NME7: variants seen among roughly 807,000 people sequenced by gnomAD.
NME7 encodes nucleoside diphosphate kinase 7.
NME7 carries 41 observed loss-of-function variants against 49.1 expected under a neutral mutation model. That is an observed-to-expected ratio of 0.83 (90% CI 0.65 to 1.08). NME7 has a LOEUF of 1.08. NME7 is among the 50% of genes least tolerant of loss of function. The pLI, the probability that NME7 is intolerant of heterozygous loss-of-function variation, is 0.00. For synonymous variants in NME7, 139 were observed against 150.6 expected, an observed-to-expected ratio of 0.92 and a Z score of 0.56; for missense variants, 423 against 463.4, an observed-to-expected ratio of 0.91 and a Z score of 0.80.
chr1:169,242,002 T>C (rs1648110184), intron 7 of NME7, among the ~76,000 whole-genome samples: 1 of 152,018 alleles, frequency 6.6e-6, no homozygotes, highest in South Asian at 2.1e-4. Flanking sequence ...TTGACTAGCC[T>C]GGTCTTGAAC....
intron 11 of NME7, among the ~76,000 whole-genome samples, chr1:169,155,620 G>T (rs1659045381): frequency 6.6e-6 from 1 of 152,178 alleles, no homozygotes; most frequent in African/African-American, 2.4e-5. Flanking sequence ...ATTATTCTGT[G>T]ATAAAATGCT....
At chr1:169,268,908 T>C (rs1385189349) in intron 7 of NME7, among the ~76,000 whole-genome samples, 1 of 133,530 alleles carries the variant, frequency 7.5e-6, no homozygotes, top group Non-Finnish European at 1.8e-5. Flanking sequence ...TTTGCCTACA[T>C]AACAAAACTG....
chr1:169,238,511 A>ACACCCC (rs755078398), intron 7 of NME7, among the ~76,000 whole-genome samples: 3 of 150,774 alleles, frequency 2.0e-5, no homozygotes, highest in African/African-American at 7.4e-5. Context: ...ACACACACAC[A>ACACCCC]CACACCATAT....
At chr1:169,355,136 TAATATATAATATAC>T (rs1557837464) in intron 1 of NME7, among the ~76,000 whole-genome samples, 32 of 39,980 alleles carry the variant, frequency 8.0e-4, no homozygotes, top group African/African-American at 2.9e-3. Flanking sequence ...ATTATAGATA[TAATATATAATATAC>T]TATATATTAT....
chr1:169,325,540 A>G (rs4140538), intron 1 of NME7, among the ~76,000 whole-genome samples: 10,655 of 152,114 alleles, frequency 0.07, 1,483 homozygotes, highest in East Asian at 0.66. Context: ...TTCCCATCAT[A>G]TATGTTAGTA....
At chr1:169,320,321 A>G (rs1042605617) in intron 3 of NME7, among the ~76,000 whole-genome samples, 2 of 152,210 alleles carry the variant, frequency 1.3e-5, no homozygotes, top group African/African-American at 2.4e-5. Flanking sequence ...GTCAAAGGGA[A>G]TTGGAAAGCT....
chr1:169,301,571 G>A (rs762361720), intron 5 of NME7, among the ~76,000 whole-genome samples: 1 of 152,056 alleles, frequency 6.6e-6, no homozygotes, highest in Non-Finnish European at 1.5e-5. Context: ...CCATTACTGG[G>A]TATATACCCA....
At chr1:169,298,791 C>G in intron 5 of NME7, 28 bp from the exon 6 acceptor site, 8 of 1,575,928 alleles carry the variant, frequency 5.1e-6, no homozygotes, top group Non-Finnish European at 7.0e-6. Flanking sequence ...GATTAGTTTG[C>G]TTCTTTTTTC....
At chr1:169,360,879 A>G (rs550355183) in intron 1 of NME7, among the ~76,000 whole-genome samples, 363 of 152,334 alleles carry the variant, frequency 2.4e-3, no homozygotes, top group Middle Eastern at 0.01. Context: ...AAACTAAGGA[A>G]AAAAACAATT....
chr1:169,330,663 G>GCAAGA (rs1652221136), intron 1 of NME7, among the ~76,000 whole-genome samples: 1 of 152,046 alleles, frequency 6.6e-6, no homozygotes, highest in Non-Finnish European at 1.5e-5. Context: ...TGGTGACAGA[G>GCAAGA]CAAGACTCTG....
intron 11 of NME7, among the ~76,000 whole-genome samples, chr1:169,153,705 T>C (rs1293003805): frequency 6.6e-6 from 1 of 152,068 alleles, no homozygotes; most frequent in Non-Finnish European, 1.5e-5. Flanking sequence ...CCTCTACTTT[T>C]CTTTTTCTTT....
At chr1:169,175,766 C>T (rs1272002827) in intron 10 of NME7, among the ~76,000 whole-genome samples, 3 of 152,052 alleles carry the variant, frequency 2.0e-5, no homozygotes, top group Non-Finnish European at 4.4e-5. Flanking sequence ...TACAGGATAA[C>T]TATGTTAGCA....
intron 7 of NME7, 23 bp from the exon 8 acceptor site, chr1:169,237,710 GAAA>G: frequency 6.4e-7 from 1 of 1,574,022 alleles, no homozygotes; most frequent in South Asian, 1.2e-5. Flanking sequence ...GACAATGAGT[GAAA>G]AAATACAAAA....
Position 169,360,786 on chromosome 1 carries a change from A to G in NME7, c.3+6922T>C, listed in dbSNP as rs546231215. On this transcript the variant is annotated intron_variant, in intron 1 of 11. Transcript: ENST00000367811. ...TCTTGGAACCAACCAATATTGCATT[A>G]CTTAGTTTAATTTTCCTCATAGTAC... is the stretch of plus-strand genomic sequence containing the variant. 6.6e-5 allele frequency among the ~76,000 whole-genome samples: 10 copies of G among 152,336 alleles called. No individual in the cohort carries two copies. In the South Asian group the frequency reaches 2.1e-3, roughly 32 times the overall value.
intron 1 of NME7, among the ~76,000 whole-genome samples, chr1:169,341,704 C>T (rs996898292): frequency 5.3e-5 from 8 of 152,160 alleles, no homozygotes; most frequent in African/African-American, 1.9e-4. Context: ...CTCACCTCTT[C>T]CATCAGCATG....
intron 7 of NME7, among the ~76,000 whole-genome samples, chr1:169,262,109 G>A (rs1419405316): frequency 7.7e-6 from 1 of 129,180 alleles, no homozygotes; most frequent in African/African-American, 2.6e-5. Context: ...GATGCAAACA[G>A]AGACATGATG....
intron 10 of NME7, among the ~76,000 whole-genome samples, chr1:169,193,925 C>T (rs1310473028): frequency 6.6e-6 from 1 of 150,848 alleles, no homozygotes; most frequent in Non-Finnish European, 1.5e-5. Context: ...ATAGTGAATG[C>T]AGCCAAAGAG....
intron 1 of NME7, among the ~76,000 whole-genome samples, chr1:169,366,480 A>G (rs1025706835): frequency 1.3e-5 from 2 of 152,208 alleles, no homozygotes; most frequent in Non-Finnish European, 2.9e-5. Flanking sequence ...TTTAATTTTC[A>G]TAAGATGTGT....
At chr1:169,234,228 T>C (rs1158405947) in intron 9 of NME7, among the ~76,000 whole-genome samples, 1 of 152,186 alleles carries the variant, frequency 6.6e-6, no homozygotes, top group Non-Finnish European at 1.5e-5. Context: ...ACTGCTGTCC[T>C]TAGGTAGCTA....
Sources: allele counts gnomAD v4.1 joint callset (sites outside exome capture counted in the v4.1 genomes callset), GRCh38; gene constraint gnomAD v4.1.1; transcripts MANE v1.5; gene names NCBI Gene and HGNC (gene_info 2026-07-23, HGNC 2026-07-21).